Variants in ERI1 observed in about 807,000 individuals in gnomAD.
The protein encoded by ERI1 is 3'-5' exoribonuclease 1.
Under a neutral mutation model 39.7 loss-of-function variants are expected in ERI1, and 39 were observed. That is an observed-to-expected ratio of 0.98 (90% CI 0.76 to 1.28). The LOEUF (loss-of-function observed/expected upper bound fraction) is 1.28, where lower values mean the gene tolerates loss of function less well. Among genes scored for constraint, ERI1 ranks in the 50% most tolerant of loss-of-function variants. The pLI, the probability that ERI1 is intolerant of heterozygous loss-of-function variation, is 0.00. For missense variants in ERI1, 581 were observed against 416.9 expected, an observed-to-expected ratio of 1.39 and a Z score of -3.43; for synonymous variants, 204 against 149.6, an observed-to-expected ratio of 1.36 and a Z score of -2.65.
intron 3 of ERI1, among the ~76,000 whole-genome samples, chr8:9,072,214 A>C (rs1799074570): frequency 6.6e-6 from 1 of 152,112 alleles, no homozygotes. Flanking sequence ...CTTTGGTTTT[A>C]CCTCATAGCC....
Position 9,030,232 on chromosome 8 carries a change from T to C in ERI1, c.*198T>C, listed in dbSNP as rs984178819. ...ACTGAATTCTTTGTCACCAGCACTT[T>C]TGATATGAACAGTATTCGTTACATA... On this transcript the variant is annotated 3_prime_UTR_variant, in exon 7 of 7. Transcript: ENST00000250263. The C allele has an allele frequency of 3.1e-6, 2 of 651,144 alleles. No individual in the cohort carries two copies. The highest frequency in any genetic ancestry group is 5.1e-6 in the Non-Finnish European group (2 of 389,178). The allele number at this position is 651,144 out of a possible 1,614,324, so 40.3% of individuals were successfully genotyped here. A position where few individuals can be genotyped will look rare whatever the true frequency, so the allele number is the denominator to read the frequency against.
At chr8:9,079,168 T>G (rs1226634108) in intron 3 of ERI1, among the ~76,000 whole-genome samples, 1 of 152,214 alleles carries the variant, frequency 6.6e-6, no homozygotes, top group Non-Finnish European at 1.5e-5. Flanking sequence ...ATGACACTTT[T>G]GTAAAAAAGG....
chr8:9,027,151 G>GTGTGTGTGTA (rs1797228926), intron 6 of ERI1, among the ~76,000 whole-genome samples: 1 of 70,796 alleles, frequency 1.4e-5, no homozygotes, highest in Non-Finnish European at 3.1e-5. Flanking sequence ...GTGTGTGTAT[G>GTGTGTGTGTA]TGTGTGTGTG....
chr8:9,008,158 AATAACTT>A lies in ERI1; in HGVS notation c.287+15_287+21del. ...TCAAGCTTGAAACTAGGTAATTAAA[AATAACTT>A]ATAAAATTATAAAAGTAGTACATGC... On this transcript the variant is annotated intron_variant, in intron 2 of 6. Coordinates refer to ENST00000250263, the MANE Select transcript of ERI1 (RefSeq NM_153332.4). 1 of 1,547,750 alleles carries A rather than the reference AATAACTT, an allele frequency of 6.5e-7. No homozygotes were observed. Among genetic ancestry groups the A allele is most frequent in the Non-Finnish European group, 8.7e-7 (1 of 1,148,980 alleles).
intron 3 of ERI1, among the ~76,000 whole-genome samples, chr8:9,070,967 T>A (rs1418274457): frequency 6.6e-6 from 1 of 152,164 alleles, no homozygotes; most frequent in Non-Finnish European, 1.5e-5. Flanking sequence ...ATGGCTGCCA[T>A]CACTCTGTAC....
intron 3 of ERI1, among the ~76,000 whole-genome samples, chr8:9,098,272 C>G (rs1412805053): frequency 6.6e-6 from 1 of 152,202 alleles, no homozygotes; most frequent in African/African-American, 2.4e-5. Flanking sequence ...GTAATCCCAG[C>G]ACTTTGGGAG....
At chr8:9,061,599 C>G (rs1331000787) in intron 3 of ERI1, among the ~76,000 whole-genome samples, 1 of 152,162 alleles carries the variant, frequency 6.6e-6, no homozygotes, top group Admixed American at 6.5e-5. Context: ...ACAGTGCTGT[C>G]CCAGCTCTTT....
intron 2 of ERI1, among the ~76,000 whole-genome samples, chr8:9,010,053 G>T (rs1430931): frequency 0.14 from 21,237 of 152,262 alleles, 1,622 homozygotes; most frequent in Middle Eastern, 0.17. Context: ...TCGAAGTGTT[G>T]TGGTAATGGA....
chr8:9,028,732 T>C (rs1239289107), intron 6 of ERI1, among the ~76,000 whole-genome samples: 1 of 152,194 alleles, frequency 6.6e-6, no homozygotes, highest in Non-Finnish European at 1.5e-5. Context: ...CAAGGGATTC[T>C]TCTGCCTCAG....
At chr8:9,099,839 C>G (rs1424592067) in intron 3 of ERI1, 1 of 152,158 alleles carries the variant, frequency 6.6e-6, no homozygotes, top group Admixed American at 6.6e-5. Flanking sequence ...TGGACACATG[C>G]TTTCATTTCT....
At position 9,029,796 on chromosome 8, in the gene ERI1, C is replaced by G; in HGVS notation, c.812C>G (p.Pro271Arg). ...RKSYGNFYKV[P>R]RSQTKLTIML... ...ACTAAGCTGTTTATTTTTCAGGTTC[C>G]TAGAAGCCAAACCAAACTGACAATA... is the stretch of plus-strand genomic sequence containing the variant. Residue 271 changes from proline to arginine, a missense_variant, in exon 7 of 7, where the codon CCT becomes CGT. By Grantham distance (103) the Pro-to-Arg change is moderately radical. Coordinates refer to ENST00000250263, the MANE Select transcript of ERI1 (RefSeq NM_153332.4). 1 of 1,613,988 alleles carries G rather than the reference C, an allele frequency of 6.2e-7. No individual in the cohort carries two copies. Among genetic ancestry groups the G allele is most frequent in the Admixed American group, 1.7e-5 (1 of 60,000 alleles).
At chr8:9,028,748 C>T (rs1313995201) in intron 6 of ERI1, among the ~76,000 whole-genome samples, 1 of 151,912 alleles carries the variant, frequency 6.6e-6, no homozygotes, top group Non-Finnish European at 1.5e-5. Flanking sequence ...CTCAGCCTCC[C>T]GAGTAGCTGG....
chr8:9,058,768 C>T (rs991043533), intron 3 of ERI1, among the ~76,000 whole-genome samples: 2 of 151,782 alleles, frequency 1.3e-5, no homozygotes, highest in Admixed American at 6.6e-5. Context: ...TCCATTTCAT[C>T]GTTGGACAAC....
chr8:9,060,568 G>A (rs1798660107), intron 3 of ERI1, among the ~76,000 whole-genome samples: 1 of 152,218 alleles, frequency 6.6e-6, no homozygotes, highest in Non-Finnish European at 1.5e-5. Context: ...CGGGCTAGCG[G>A]CTTGTAACCT....
intron 1 of ERI1, among the ~76,000 whole-genome samples, chr8:9,004,717 G>A (rs1431489425): frequency 3.5e-5 from 5 of 143,910 alleles, no homozygotes; most frequent in South Asian, 2.2e-4. Flanking sequence ...ACGGAGTTTC[G>A]TTCTTGTTGC....
chr8:9,062,536 G>C (rs1798733801), intron 3 of ERI1: 2 of 143,374 alleles, frequency 1.4e-5, no homozygotes, highest in African/African-American at 4.9e-5. Flanking sequence ...ACTTACAACA[G>C]TTATGGAGGC....
At chr8:9,013,272 C>T (rs1050307681) in intron 3 of ERI1, among the ~76,000 whole-genome samples, 3 of 151,028 alleles carry the variant, frequency 2.0e-5, no homozygotes, top group East Asian at 1.9e-4. Context: ...GCCTCAGGTT[C>T]CCCAAGTGCT....
At chr8:9,067,818 A>C (rs1254713026) in intron 3 of ERI1, among the ~76,000 whole-genome samples, 2 of 149,808 alleles carry the variant, frequency 1.3e-5, no homozygotes, top group African/African-American at 2.4e-5. Flanking sequence ...ACAGGTCCCC[A>C]AGTCAACAAA....
At chr8:9,064,519 C>T (rs1798807825) in intron 3 of ERI1, among the ~76,000 whole-genome samples, 1 of 151,824 alleles carries the variant, frequency 6.6e-6, no homozygotes, top group East Asian at 1.9e-4. Context: ...TTTGTCTCTA[C>T]CAGAAAATGA....
Sources: gnomAD v4.1 joint callset for allele counts (sites outside exome capture counted in the v4.1 genomes callset) on GRCh38, gnomAD v4.1.1 for gene constraint, MANE v1.5 for transcripts, NCBI Gene and HGNC (gene_info 2026-07-23, HGNC 2026-07-21) for gene names.